LAMC1: variants seen among roughly 807,000 people sequenced by gnomAD.
The protein encoded by LAMC1 is laminin subunit gamma 1, also known as laminin subunit gamma-1.
In LAMC1, 38 loss-of-function variants were observed where a neutral mutation model predicts 173.6. The observed-to-expected ratio is 0.22, with a 90% CI of 0.17 to 0.29. The LOEUF (loss-of-function observed/expected upper bound fraction) is 0.29, where lower values mean the gene tolerates loss of function less well. LAMC1 is among the 10% of genes least tolerant of loss of function. The probability of loss-of-function intolerance (pLI) is 1.00; values close to 1 mark genes in which losing one functional copy is unlikely to be tolerated. For synonymous variants in LAMC1, 746 were observed against 749.1 expected (o/e 1.00, Z 0.07); for missense variants, 1,824 against 2,051.8 (o/e 0.89, Z 2.14).
At position 183,115,632 on chromosome 1, in the gene LAMC1, A is replaced by T; in HGVS notation, c.1323A>T (p.Gly441=). Reference sequence around the variant, plus strand: ...GATTCCATTCTCTCACTGAAGCAGGATGCAGGTAAAATATTTTCAAAGCCA... The same window carrying T: ...GATTCCATTCTCTCACTGAAGCAGGTTGCAGGTAAAATATTTTCAAAGCCA... ...QPGFHSLTEA[G]CRPCSCDPSG... The change falls in exon 6 of 28, where the codon GGA becomes GGT. Residue 441 remains glycine (G), a synonymous_variant. Coordinates refer to ENST00000258341, the MANE Select transcript of LAMC1 (RefSeq NM_002293.4). The T allele has an allele frequency of 6.2e-7, 1 of 1,606,566 alleles. No homozygotes were observed. Among genetic ancestry groups the T allele is most frequent in the Non-Finnish European group, 8.5e-7 (1 of 1,173,076 alleles).
At chr1:183,139,391 A>C (rs1657041945) in intron 26 of LAMC1, among the ~76,000 whole-genome samples, 1 of 152,130 alleles carries the variant, frequency 6.6e-6, no homozygotes, top group South Asian at 2.1e-4. Flanking sequence ...ATTCTTTTGG[A>C]AGAGGAGGCT....
chr1:183,083,727 A>G (rs889054272), intron 1 of LAMC1, among the ~76,000 whole-genome samples: 2 of 152,246 alleles, frequency 1.3e-5, no homozygotes, highest in East Asian at 3.8e-4. Context: ...AATCACATAT[A>G]TACAGAATTG....
intron 1 of LAMC1, among the ~76,000 whole-genome samples, chr1:183,076,473 T>G (rs532593292): frequency 3.9e-5 from 6 of 152,200 alleles, no homozygotes; most frequent in African/African-American, 1.4e-4. Flanking sequence ...GCTCCTTCGA[T>G]GTTTTCCATG....
rs1176051517 is a variant in LAMC1 at position 183,043,110 on chromosome 1, TC to T, written c.418+18977del. 6.6e-5 allele frequency among the ~76,000 whole-genome samples: 10 copies of T among 152,198 alleles called. 1 individual carries two copies. Among genetic ancestry groups the T allele is most frequent in the Admixed American group, 3.9e-4 (6 of 15,278 alleles). On this transcript the variant is annotated intron_variant, in intron 1 of 27. Coordinates refer to ENST00000258341, the MANE Select transcript of LAMC1 (RefSeq NM_002293.4). Reference sequence around the variant, plus strand: ...ATTTATCTTTTTCTTCATTGCGAGTTCATTGAAGGCAGCTGTGAATCATGTT... The same window carrying T: ...ATTTATCTTTTTCTTCATTGCGAGTTATTGAAGGCAGCTGTGAATCATGTT...
chr1:183,115,390 T>C, intron 5 of LAMC1, 130 bp from the exon 6 acceptor site: 2 of 675,420 alleles, frequency 3.0e-6, no homozygotes, highest in Non-Finnish European at 5.3e-6. Flanking sequence ...ATTACCTTTG[T>C]GACCATCAGG....
At chr1:183,133,237 TAAAAG>T (rs1426569017) in intron 21 of LAMC1, among the ~76,000 whole-genome samples, 164 bp from the exon 22 acceptor site, 2 of 152,112 alleles carry the variant, frequency 1.3e-5, no homozygotes, top group African/African-American at 4.8e-5. Flanking sequence ...ATAGAAATGA[TAAAAG>T]AAAATGTAAA....
rs762421395 is a variant in LAMC1, at chr1:183,136,400, G to A, written c.4129G>A (p.Val1377Met). The A allele has an allele frequency of 9.3e-6, 15 of 1,613,944 alleles. No individual in the cohort carries two copies. The highest frequency in any genetic ancestry group is 4.5e-5 in the East Asian group (2 of 44,892). ...ACTTGTTTCAGATTTTGATAGGCGTGTGAACGATAACAAGACGGCCGCAGA... is the reference window on the plus strand; with the variant it reads ...ACTTGTTTCAGATTTTGATAGGCGTATGAACGATAACAAGACGGCCGCAGA... Reference protein sequence around the residue: ...LNNLKDFDRRVNDNKTAAEEA... With the variant: ...LNNLKDFDRRMNDNKTAAEEA... The change falls in exon 25 of 28, where the codon GTG (valine) becomes ATG (methionine). Residue 1377 changes from valine to methionine, a missense_variant. Coordinates refer to ENST00000258341, the MANE Select transcript of LAMC1 (RefSeq NM_002293.4).
In LAMC1 at chr1:183,110,557, A is replaced by G. The variant is rs1267450334; in HGVS notation, c.924A>G (p.Lys308=). The G allele has an allele frequency of 1.9e-6, 3 of 1,613,676 alleles. No individual in the cohort carries two copies. Among genetic ancestry groups the G allele is most frequent in the Non-Finnish European group, 1.7e-6 (2 of 1,179,558 alleles). ...TTGATAAGCTGGTGTGTAATTGCAAACATAACACATATGGAGTAGACTGTG... is the reference window on the plus strand; with the variant it reads ...TTGATAAGCTGGTGTGTAATTGCAAGCATAACACATATGGAGTAGACTGTG... ...NEFDKLVCNC[K]HNTYGVDCEK... is the part of the protein sequence containing the mutation. The change falls in exon 4 of 28, where the codon AAA becomes AAG. Residue 308 remains lysine (K), a synonymous_variant. Coordinates refer to ENST00000258341, the MANE Select transcript of LAMC1 (RefSeq NM_002293.4).
At chr1:183,114,417 C>T in intron 4 of LAMC1, 114 bp from the exon 5 acceptor site, 1 of 1,043,924 alleles carries the variant, frequency 9.6e-7, no homozygotes, top group Non-Finnish European at 1.5e-6. Context: ...CATTCTTAGT[C>T]TACCACCATC....
intron 1 of LAMC1, among the ~76,000 whole-genome samples, chr1:183,075,623 G>C (rs534824559): frequency 6.6e-6 from 1 of 152,324 alleles, no homozygotes; most frequent in East Asian, 1.9e-4. Flanking sequence ...TCAGAAGGAT[G>C]TGGCAAAACT....
At chr1:183,036,682 C>T (rs1038481334) in intron 1 of LAMC1, among the ~76,000 whole-genome samples, 6 of 152,158 alleles carry the variant, frequency 3.9e-5, no homozygotes, top group African/African-American at 9.7e-5. Flanking sequence ...TGAGCCACTG[C>T]GCACAGCTGA....
chr1:183,124,696 A>G lies in LAMC1; in HGVS notation c.2467A>G (p.Arg823Gly), dbSNP rs1656571963. ...GDPLGRNGPV[R>G]LCRLCQCSDN... ...CCCCCTGGGTAGAAACGGCCCTGTG[A>G]GACTTTGCCGCCTGTGCCAGTGCAG... is the stretch of plus-strand genomic sequence containing the variant. Residue 823 changes from arginine (R) to glycine (G), a missense_variant, in exon 14 of 28, where the codon AGA becomes GGA. Transcript: ENST00000258341. The G allele has an allele frequency of 1.2e-6, 2 of 1,614,116 alleles. No individual in the cohort carries two copies. Among genetic ancestry groups the G allele is most frequent in the African/African-American group, 2.7e-5 (2 of 74,946 alleles).
intron 1 of LAMC1, among the ~76,000 whole-genome samples, chr1:183,073,091 A>G (rs1655051515): frequency 6.6e-6 from 1 of 152,230 alleles, no homozygotes; most frequent in Non-Finnish European, 1.5e-5. Context: ...GGACTGCTGG[A>G]TTAAAGGACA....
rs182469684 is a variant in LAMC1, at chr1:183,037,818, G to A, written c.418+13684G>A. Among the ~76,000 whole-genome samples the A allele has an allele frequency of 3.0e-4, 46 of 151,896 alleles. 1 individual carries two copies. Among genetic ancestry groups the A allele is most frequent in the Middle Eastern group, 3.4e-3 (1 of 294 alleles). ...ATGTATTTACAATGTGTTTTCTTTTGCTTGCCCACCACACTCTACCACTAC... is the reference window on the plus strand; with the variant it reads ...ATGTATTTACAATGTGTTTTCTTTTACTTGCCCACCACACTCTACCACTAC... On this transcript the variant is annotated intron_variant, in intron 1 of 27. Coordinates refer to ENST00000258341, the MANE Select transcript of LAMC1 (RefSeq NM_002293.4).
Position 183,133,481 on chromosome 1 carries a change from C to A in LAMC1, c.3780C>A (p.Ala1260=), listed in dbSNP as rs61749263. Residue 1260 remains alanine (A), a synonymous_variant, in exon 22 of 28, where the codon GCC becomes GCA. Coordinates refer to ENST00000258341, the MANE Select transcript of LAMC1 (RefSeq NM_002293.4). Reference sequence around the variant, plus strand: ...GAGTACATGAGGAGGCCAAAAGGGCCGGTGACAAAGCTGTGGAGATCTATG... The same window carrying A: ...GAGTACATGAGGAGGCCAAAAGGGCAGGTGACAAAGCTGTGGAGATCTATG... ...AARVHEEAKR[A]GDKAVEIYAS... The A allele has an allele frequency of 1.2e-6, 2 of 1,613,860 alleles. No homozygotes were observed. The highest frequency in any genetic ancestry group is 1.3e-5 in the African/African-American group (1 of 74,886).
At position 183,110,567 on chromosome 1, in the gene LAMC1, T is replaced by C. The variant is rs1355278060; in HGVS notation, c.934T>C (p.Tyr312His). 6.2e-7 allele frequency: 1 copy of C among 1,613,890 alleles called. No homozygotes were observed. The highest frequency in any genetic ancestry group is 8.5e-7 in the Non-Finnish European group (1 of 1,179,808). The change falls in exon 4 of 28, where the codon TAT becomes CAT. Residue 312 changes from tyrosine (Y) to histidine (H), a missense_variant. Transcript: ENST00000258341. ...KLVCNCKHNT[Y>H]GVDCEKCLPF... ...GGTGTGTAATTGCAAACATAACACA[T>C]ATGGAGTAGACTGTGAAAAGTGTCT...
At position 183,080,777 on chromosome 1, in the gene LAMC1, GT is replaced by G. The variant is rs565759874; in HGVS notation, c.419-22538del. ...GTGGTAAGGTTTTAGTTTTTAGTTAGTTTTTTTTTTTTTCAACACAGTCCTT... is the reference window on the plus strand; with the variant it reads ...GTGGTAAGGTTTTAGTTTTTAGTTAGTTTTTTTTTTTTCAACACAGTCCTT... On this transcript the variant is annotated intron_variant, in intron 1 of 27. Coordinates refer to ENST00000258341, the MANE Select transcript of LAMC1 (RefSeq NM_002293.4). Among the ~76,000 whole-genome samples, 844 of 144,166 alleles carry G rather than the reference GT, an allele frequency of 5.9e-3. 12 individuals carry two copies. Among genetic ancestry groups the G allele is most frequent in the African/African-American group, 0.019 (765 of 39,542 alleles). 94.6% of individuals were successfully genotyped at this position (144,166 alleles called of 152,430 possible).
rs1418648144 is a variant in LAMC1, at chr1:183,024,038, GACT to G, written c.325_327del (p.Tyr109del). ...GCAGCACGGGGCAGCCTTCCTGACC[GACT>G]ACAACAACCAGGCCGACACCACCTG... On this transcript the variant is annotated inframe_deletion, in exon 1 of 28. Coordinates refer to ENST00000258341, the MANE Select transcript of LAMC1 (RefSeq NM_002293.4). The G allele has an allele frequency of 6.2e-7, 1 of 1,612,646 alleles. No homozygotes were observed. Among genetic ancestry groups the G allele is most frequent in the Non-Finnish European group, 8.5e-7 (1 of 1,179,708 alleles).
Position 183,130,448 on chromosome 1 carries a change from A to T in LAMC1, c.3385A>T (p.Asn1129Tyr), listed in dbSNP as rs1656751633. The change falls in exon 19 of 28, where the codon AAC becomes TAC. Residue 1129 changes from asparagine to tyrosine, a missense_variant. By Grantham distance (143) the Asn-to-Tyr change is moderately radical. Transcript: ENST00000258341. ...NIRNTIEETG[N>Y]LAEQARAHVE... ...CCGGAATACCATTGAAGAGACTGGA[A>T]ACTTGGCTGAACAAGCGCGTGCCCA... 6.2e-7 allele frequency: 1 copy of T among 1,614,070 alleles called. No individual in the cohort carries two copies. Among genetic ancestry groups the T allele is most frequent in the Non-Finnish European group, 8.5e-7 (1 of 1,180,016 alleles).
Sources: allele counts gnomAD v4.1 joint callset (sites outside exome capture counted in the v4.1 genomes callset), GRCh38; gene constraint gnomAD v4.1.1; transcripts MANE v1.5; gene names NCBI Gene and HGNC (gene_info 2026-07-23, HGNC 2026-07-21).